The following TP63 variants were observed in gnomAD, a reference collection of about 807,000 sequenced individuals.
TP63 encodes the protein tumor protein p63, also known as tumor protein 63.
TP63 carries 17 observed loss-of-function variants against 82.8 expected under a neutral mutation model. That is an observed-to-expected ratio of 0.21 (90% CI 0.14 to 0.31). The LOEUF (loss-of-function observed/expected upper bound fraction) is 0.31. TP63 is among the 10% of genes least tolerant of loss of function. The probability of loss-of-function intolerance (pLI) is 1.00; values close to 1 mark genes in which losing one functional copy is unlikely to be tolerated. For missense variants in TP63, 648 were observed against 895.3 expected (o/e 0.72, Z 3.52); for synonymous variants, 330 against 321.7 (o/e 1.03, Z -0.28).
chr3:189,639,122 G>T (rs1463894883), intron 1 of TP63, among the ~76,000 whole-genome samples: 1 of 152,126 alleles, frequency 6.6e-6, no homozygotes, highest in Non-Finnish European at 1.5e-5. Context: ...TCTGGACAGG[G>T]TTTCTATCTC....
intron 3 of TP63, among the ~76,000 whole-genome samples, chr3:189,747,000 GAAAC>G (rs1294725372): frequency 6.7e-6 from 1 of 149,260 alleles, no homozygotes; most frequent in East Asian, 1.9e-4. Context: ...AAAAAAAAAA[GAAAC>G]AAAGGTCATT....
chr3:189,618,468 C>T, the TP63 span, among the ~76,000 whole-genome samples: 1 of 152,206 alleles, frequency 6.6e-6, no homozygotes, highest in East Asian at 1.9e-4. Flanking sequence ...GAACTCACTG[C>T]AGGTCAAGCC....
chr3:189,794,139 A>T (rs1024973546), intron 3 of TP63, among the ~76,000 whole-genome samples: 2 of 152,104 alleles, frequency 1.3e-5, no homozygotes, highest in East Asian at 1.9e-4. Flanking sequence ...TTCTATGTTG[A>T]CAATATTCAT....
upstream of TP63, among the ~76,000 whole-genome samples, chr3:189,626,639 C>G (rs1163071788): frequency 6.6e-6 from 1 of 152,202 alleles, no homozygotes; most frequent in Non-Finnish European, 1.5e-5. Context: ...TCTGCTCAGT[C>G]ATGGTAGGGC....
intron 1 of TP63, among the ~76,000 whole-genome samples, chr3:189,667,323 C>T (rs1302263381): frequency 1.3e-4 from 20 of 151,736 alleles, no homozygotes; most frequent in Admixed American, 8.5e-4. Context: ...TATAGGCACC[C>T]GCCACCACGC....
intron 10 of TP63, chr3:189,881,539 C>T (rs1047793177): frequency 1.0e-6 from 1 of 984,278 alleles, no homozygotes; most frequent in African/African-American, 1.7e-5. Context: ...TTTTTTTCCA[C>T]TAAATACTAG....
chr3:189,827,998 T>C, intron 4 of TP63, among the ~76,000 whole-genome samples: 1 of 152,094 alleles, frequency 6.6e-6, no homozygotes, highest in East Asian at 1.9e-4. Context: ...CCCAGCACTT[T>C]GGGAGGCCGA....
rs1712852729 is a variant in TP63, at chr3:189,651,105, C to T, written c.62+19528C>T. Among the ~76,000 whole-genome samples the T allele has an allele frequency of 4.1e-5, 6 of 147,272 alleles. 1 individual carries two copies. Among genetic ancestry groups the T allele is most frequent in the Admixed American group, 4.0e-4 (6 of 14,974 alleles). ...AGCAAAGAGACTGGCAGCATTTTGC[C>T]CTGCCCTAGAGATCTGTGTGACATT... On this transcript the variant is annotated intron_variant, in intron 1 of 13. Transcript: ENST00000264731.
At chr3:189,844,097 C>T (rs1714528198) in intron 4 of TP63, 1 of 260,302 alleles carries the variant, frequency 3.8e-6, no homozygotes, top group Non-Finnish European at 7.9e-6. Flanking sequence ...GGGACACTGA[C>T]TATCAGAACA....
intron 1 of TP63, among the ~76,000 whole-genome samples, chr3:189,643,455 T>TAAA (rs71635306): frequency 0.51 from 62,633 of 122,450 alleles, 13,894 homozygotes; most frequent in Non-Finnish European, 0.62. Flanking sequence ...TTAAACTGAT[T>TAAA]AAAAAAAAAA....
chr3:189,689,285 T>G (rs1450930415), intron 1 of TP63, among the ~76,000 whole-genome samples: 1 of 151,650 alleles, frequency 6.6e-6, no homozygotes, highest in Non-Finnish European at 1.5e-5. Context: ...CCAGCTAATT[T>G]TTGTATTTTT....
chr3:189,714,964 G>A lies in TP63; in HGVS notation c.63-22776G>A, dbSNP rs564064760. On this transcript the variant is annotated intron_variant, in intron 1 of 13. Coordinates refer to ENST00000264731, the MANE Select transcript of TP63 (RefSeq NM_003722.5). ...AAACTGTTTTATTTTCCTCTTGCAC[G>A]TAGTTAGCTATATTTTTCCAACCTC... Among the ~76,000 whole-genome samples, 12 of 152,296 alleles carry A rather than the reference G, an allele frequency of 7.9e-5. No individual in the cohort carries two copies. In the East Asian group the frequency reaches 1.9e-3, roughly 24 times the overall value.
intron 1 of TP63, among the ~76,000 whole-genome samples, chr3:189,728,195 G>A (rs1719908898): frequency 6.6e-6 from 1 of 150,726 alleles, no homozygotes; most frequent in South Asian, 2.1e-4. Flanking sequence ...AAGGAGTAGA[G>A]ATGATGAGAA....
chr3:189,610,480 C>T, the TP63 span, among the ~76,000 whole-genome samples: 4 of 152,206 alleles, frequency 2.6e-5, no homozygotes, highest in South Asian at 2.1e-4. Context: ...CTTACTAAAA[C>T]GTAGCAAGAG....
intron 4 of TP63, among the ~76,000 whole-genome samples, chr3:189,845,236 G>C (rs1444752812): frequency 6.6e-6 from 1 of 152,016 alleles, no homozygotes; most frequent in Non-Finnish European, 1.5e-5. Context: ...TAAGTTTTTT[G>C]AACTAGAAGC....
Position 189,740,968 on chromosome 3 carries a change from C to T in TP63, c.324+2194C>T, listed in dbSNP as rs529365007. ...CACAGTGTCATAGTTGTTTATTTTT[C>T]TCTAAAGTAGAACAGGGCTGTACTT... On this transcript the variant is annotated intron_variant, in intron 3 of 13. Transcript: ENST00000264731. Among the ~76,000 whole-genome samples the T allele has an allele frequency of 5.9e-5, 9 of 152,224 alleles. No individual in the cohort carries two copies. The East Asian group carries it at 1.7e-3, about 29-fold the overall frequency.
chr3:189,865,517 A>G (rs973897154), intron 5 of TP63, among the ~76,000 whole-genome samples: 1 of 152,230 alleles, frequency 6.6e-6, no homozygotes, highest in Non-Finnish European at 1.5e-5. Flanking sequence ...GCAATCCTCA[A>G]AGAGTATTGA....
At chr3:189,877,397 A>T (rs1719357807) in intron 10 of TP63, among the ~76,000 whole-genome samples, 1 of 152,172 alleles carries the variant, frequency 6.6e-6, no homozygotes, top group Non-Finnish European at 1.5e-5. Context: ...TGTACTTCAG[A>T]TCAGTACTAT....
At chr3:189,824,121 A>T (rs1162130231) in intron 4 of TP63, among the ~76,000 whole-genome samples, 1 of 152,216 alleles carries the variant, frequency 6.6e-6, no homozygotes, top group Non-Finnish European at 1.5e-5. Context: ...AGTCCAGTGA[A>T]TAAAATTCAT....
Sources: gnomAD v4.1 joint callset for allele counts (sites outside exome capture counted in the v4.1 genomes callset) on GRCh38, gnomAD v4.1.1 for gene constraint, MANE v1.5 for transcripts, NCBI Gene and HGNC (gene_info 2026-07-23, HGNC 2026-07-21) for gene names.